Variants in DYSF observed in about 807,000 individuals in gnomAD.
DYSF encodes the protein dystrophy-associated fer-1-like 1.
In DYSF, 212 loss-of-function variants were observed where a neutral mutation model predicts 274.9. The ratio of observed to expected loss-of-function variants is 0.77; its 90% CI spans 0.69 to 0.86. DYSF has a LOEUF of 0.86. Among genes scored for constraint, DYSF ranks in the 40% least tolerant of loss-of-function variants. DYSF has a pLI of 0.00. For missense variants in DYSF, 2,666 were observed against 2,783.2 expected (o/e 0.96, Z 0.95); for synonymous variants, 1,091 against 1,078.7 (o/e 1.01, Z -0.22).
Position 71,685,718 on chromosome 2 carries a change from G to T in DYSF, c.6322-736G>T, listed in dbSNP as rs533341392. Among the ~76,000 whole-genome samples the T allele has an allele frequency of 3.9e-5, 6 of 152,330 alleles. No homozygotes were observed. In the East Asian group the frequency reaches 1.2e-3, roughly 29 times the overall value. On this transcript the variant is annotated intron_variant, in intron 55 of 55. Coordinates refer to ENST00000410020, the MANE Select transcript of DYSF (RefSeq NM_001130987.2). Reference sequence around the variant, plus strand: ...CCGGGAGCAGGGCCAGCGTGGGGAGGCAGGAGGCGTTTGGCGGGGAAGGAG... The same window carrying T: ...CCGGGAGCAGGGCCAGCGTGGGGAGTCAGGAGGCGTTTGGCGGGGAAGGAG...
chr2:71,569,548 C>G (rs1415151585), intron 26 of DYSF, among the ~76,000 whole-genome samples: 1 of 152,238 alleles, frequency 6.6e-6, no homozygotes. Context: ...CAAGCCTCGA[C>G]TGCCCATCCT....
intron 16 of DYSF, among the ~76,000 whole-genome samples, chr2:71,537,217 A>AT (rs1553536506): frequency 2.2e-5 from 2 of 89,930 alleles, no homozygotes; most frequent in Admixed American, 1.4e-4. Context: ...TTTACTTTCT[A>AT]GTTTTGTTTT....
At chr2:71,640,974 TACTACTTTTGA>T (rs1256449110) in intron 41 of DYSF, among the ~76,000 whole-genome samples, 3 of 152,158 alleles carry the variant, frequency 2.0e-5, no homozygotes, top group African/African-American at 7.2e-5. Flanking sequence ...TCATGTTTTC[TACTACTTTTGA>T]ATCAATTTTG....
At chr2:71,545,749 C>A (rs1017625911) in intron 17 of DYSF, among the ~76,000 whole-genome samples, 9 of 152,110 alleles carry the variant, frequency 5.9e-5, no homozygotes, top group African/African-American at 2.2e-4. Context: ...ACCACCAGCC[C>A]CCTGATGGAG....
At chr2:71,545,732 C>T (rs147235087) in intron 17 of DYSF, among the ~76,000 whole-genome samples, 7 of 152,246 alleles carry the variant, frequency 4.6e-5, no homozygotes, top group East Asian at 3.9e-4. Flanking sequence ...ACGCTGCAGC[C>T]GTGCCTACCA....
At chr2:71,587,306 G>C (rs2093103435) in intron 30 of DYSF, among the ~76,000 whole-genome samples, 1 of 152,218 alleles carries the variant, frequency 6.6e-6, no homozygotes, top group African/African-American at 2.4e-5. Context: ...GGGTCCGTGA[G>C]AGAGAGCGAG....
Position 71,589,577 on chromosome 2 carries a change from A to G in DYSF, c.3403-16A>G, listed in dbSNP as rs1327972475. 1.9e-6 allele frequency: 3 copies of G among 1,612,698 alleles called. No individual in the cohort carries two copies. The highest frequency in any genetic ancestry group is 2.2e-5 in the East Asian group (1 of 44,800). On this transcript the variant is annotated splice_polypyrimidine_tract_variant and intron_variant, in intron 30 of 55. Transcript: ENST00000410020. Reference sequence around the variant, plus strand: ...CCTGGGGGCAGAATCTGCCATAACCAGCTTCGTGTCTCCAGGGCGGCGTGA... The same window carrying G: ...CCTGGGGGCAGAATCTGCCATAACCGGCTTCGTGTCTCCAGGGCGGCGTGA...
intron 17 of DYSF, among the ~76,000 whole-genome samples, chr2:71,547,926 C>A (rs2090611813): frequency 6.6e-6 from 1 of 152,154 alleles, no homozygotes; most frequent in African/African-American, 2.4e-5. Flanking sequence ...ACGGGCCAGG[C>A]CTGTTAGTAA....
chr2:71,682,710 A>G (rs1432849043), intron 55 of DYSF, 33 bp downstream of exon 55: 1 of 1,603,872 alleles, frequency 6.2e-7, no homozygotes, highest in Non-Finnish European at 8.5e-7. Context: ...TGGTGGGGGA[A>G]CTCTGGGTCT....
chr2:71,513,023 A>G (rs559191941), intron 5 of DYSF, among the ~76,000 whole-genome samples: 2 of 152,274 alleles, frequency 1.3e-5, no homozygotes, highest in African/African-American at 4.8e-5. Context: ...TGGATCTGAC[A>G]GAGTTAGGTG....
intron 51 of DYSF, among the ~76,000 whole-genome samples, chr2:71,673,693 G>C (rs574156308): frequency 6.6e-6 from 1 of 152,276 alleles, no homozygotes; most frequent in African/African-American, 2.4e-5. Flanking sequence ...CCAGCTGCCA[G>C]GGTTTGAGTC....
At chr2:71,485,269 T>A (rs1277035197) in intron 3 of DYSF, among the ~76,000 whole-genome samples, 3 of 152,170 alleles carry the variant, frequency 2.0e-5, no homozygotes, top group African/African-American at 7.2e-5. Context: ...GAATTTTGGC[T>A]CCATGGCTGG....
chr2:71,481,276 C>T (rs1398866551), intron 2 of DYSF, among the ~76,000 whole-genome samples: 1 of 152,234 alleles, frequency 6.6e-6, no homozygotes, highest in African/African-American at 2.4e-5. Context: ...CTCACCTTCT[C>T]CCCACAGCCC....
intron 41 of DYSF, among the ~76,000 whole-genome samples, chr2:71,625,437 T>G (rs1422526645): frequency 1.3e-5 from 2 of 152,222 alleles, no homozygotes; most frequent in Non-Finnish European, 1.5e-5. Flanking sequence ...CTGTGCTTTC[T>G]CATTGATCCA....
Position 71,586,913 on chromosome 2 carries a change from C to T in DYSF, c.3403-2680C>T, listed in dbSNP as rs189971349. Reference sequence around the variant, plus strand: ...TAGACGGACCACAGAGTCCATCCCACCTGCCTGCAGCTGAGTCCACCCCCT... The same window carrying T: ...TAGACGGACCACAGAGTCCATCCCATCTGCCTGCAGCTGAGTCCACCCCCT... On this transcript the variant is annotated intron_variant, in intron 30 of 55. Transcript: ENST00000410020. Among the ~76,000 whole-genome samples, 52 of 152,294 alleles carry T rather than the reference C, an allele frequency of 3.4e-4. 1 individual carries two copies. Among genetic ancestry groups the T allele is most frequent in the Admixed American group, 2.9e-3 (45 of 15,312 alleles).
chr2:71,543,577 G>A (rs1318611507), intron 17 of DYSF, among the ~76,000 whole-genome samples: 1 of 152,224 alleles, frequency 6.6e-6, no homozygotes, highest in Non-Finnish European at 1.5e-5. Flanking sequence ...GCAACATTGA[G>A]CACTGAGTGA....
At chr2:71,461,886 T>G (rs548339925), upstream of DYSF, among the ~76,000 whole-genome samples, 1 of 152,336 alleles carries the variant, frequency 6.6e-6, no homozygotes, top group Admixed American at 6.5e-5. Flanking sequence ...GGACACCCCA[T>G]GTTTAAGCCT....
intron 30 of DYSF, among the ~76,000 whole-genome samples, chr2:71,577,886 G>A (rs1316527457): frequency 6.6e-6 from 1 of 152,144 alleles, no homozygotes; most frequent in Non-Finnish European, 1.5e-5. Context: ...TGTCCTGAGA[G>A]CTGGTCTTTG....
Position 71,528,306 on chromosome 2 carries a change from G to A in DYSF, c.1285G>A (p.Ala429Thr). The A allele has an allele frequency of 6.2e-7, 1 of 1,613,962 alleles. No individual in the cohort carries two copies. Among genetic ancestry groups the A allele is most frequent in the Admixed American group, 1.7e-5 (1 of 60,002 alleles). Residue 429 changes from alanine (A) to threonine (T), a missense_variant, in exon 14 of 56, where the codon GCC becomes ACC. Physicochemically the swap from Ala to Thr is moderately conservative, Grantham distance 58 (BLOSUM62 0). Coordinates refer to ENST00000410020, the MANE Select transcript of DYSF (RefSeq NM_001130987.2). The part of the protein sequence containing the change: ...RAEDLPQMDD[A>T]VMDNVKQIFG... Reference sequence around the variant, plus strand: ...TGTGTCCCTCTTCCCAGTGGACGATGCCGTGATGGACAACGTGAAACAGAT... The same window carrying A: ...TGTGTCCCTCTTCCCAGTGGACGATACCGTGATGGACAACGTGAAACAGAT...
Sources: gnomAD v4.1 joint callset for allele counts (sites outside exome capture counted in the v4.1 genomes callset) on GRCh38, gnomAD v4.1.1 for gene constraint, MANE v1.5 for transcripts, NCBI Gene and HGNC (gene_info 2026-07-23, HGNC 2026-07-21) for gene names.